Variants in DCLK1 observed in about 807,000 individuals in gnomAD.
The protein encoded by DCLK1 is doublecortin like kinase 1.
Under a neutral mutation model 86.2 loss-of-function variants are expected in DCLK1, and 16 were observed. The observed-to-expected ratio is 0.19, with a 90% CI of 0.13 to 0.28. The LOEUF is 0.28. Among genes scored for constraint, DCLK1 ranks in the 10% least tolerant of loss-of-function variants. The probability of loss-of-function intolerance (pLI) is 1.00; values close to 1 mark genes in which losing one functional copy is unlikely to be tolerated. For missense variants in DCLK1, 590 were observed against 940.2 expected (o/e 0.63, Z 4.87); for synonymous variants, 369 against 370.5 (o/e 1.00, Z 0.05).
In DCLK1 at chr13:35,774,499, A is replaced by T. The variant is rs1237481167; in HGVS notation, c.*36T>A. 8 of 1,547,472 alleles carry T rather than the reference A, an allele frequency of 5.2e-6. No homozygotes were observed. In the South Asian group the frequency reaches 8.3e-5, roughly 16 times the overall value. ...GGGGGAAAAAAATCTCAGAGTCTCA[A>T]AGGGTTAAGCTAGGACTTTGAGTAA... is the stretch of plus-strand genomic sequence containing the variant. On this transcript the variant is annotated 3_prime_UTR_variant, in exon 17 of 17. Coordinates refer to ENST00000360631, the MANE Select transcript of DCLK1 (RefSeq NM_001330071.2).
chr13:35,981,076 A>C (rs1879613476), intron 3 of DCLK1, among the ~76,000 whole-genome samples: 1 of 152,168 alleles, frequency 6.6e-6, no homozygotes, highest in East Asian at 1.9e-4. Flanking sequence ...GACAAAGTAG[A>C]TTTCAGAGAA....
intron 3 of DCLK1, among the ~76,000 whole-genome samples, chr13:35,976,209 A>G (rs1433209639): frequency 6.6e-6 from 1 of 152,166 alleles, no homozygotes; most frequent in African/African-American, 2.4e-5. Context: ...AAAGGAGGTC[A>G]GTCCTGACCA....
At chr13:36,072,716 A>G (rs1220909024) in intron 3 of DCLK1, among the ~76,000 whole-genome samples, 1 of 152,186 alleles carries the variant, frequency 6.6e-6, no homozygotes, top group African/African-American at 2.4e-5. Flanking sequence ...CCAGATGCCA[A>G]TGAGTCTCAA....
intron 4 of DCLK1, among the ~76,000 whole-genome samples, chr13:35,944,524 T>C (rs1303129726): frequency 6.6e-6 from 1 of 152,158 alleles, no homozygotes; most frequent in Non-Finnish European, 1.5e-5. Flanking sequence ...CGCTAGAACA[T>C]GCTGTACAAG....
chr13:35,824,177 T>C (rs1221828565), intron 10 of DCLK1, among the ~76,000 whole-genome samples: 3 of 152,100 alleles, frequency 2.0e-5, no homozygotes, highest in Non-Finnish European at 4.4e-5. Flanking sequence ...TGGCATCTTG[T>C]AATGTCCTTT....
In DCLK1 at chr13:35,831,348, C is replaced by T. The variant is rs114319522; in HGVS notation, c.1230-3041G>A. 3.3e-3 allele frequency among the ~76,000 whole-genome samples: 502 copies of T among 152,260 alleles called. 5 individuals are homozygous for T. The highest frequency in any genetic ancestry group is 0.014 in the Middle Eastern group (4 of 294). ...GAATCACAGGTTTATAGGAAAGTAG[C>T]TAGTCTAGAAAGTGTGCCTGAAAAC... On this transcript the variant is annotated intron_variant, in intron 8 of 16. Transcript: ENST00000360631.
intron 3 of DCLK1, among the ~76,000 whole-genome samples, chr13:36,098,088 G>A (rs1328113904): frequency 2.0e-5 from 3 of 152,044 alleles, no homozygotes; most frequent in Non-Finnish European, 4.4e-5. Flanking sequence ...CCTGGCATAC[G>A]GTAAACATTC....
chr13:36,070,407 G>A (rs1403131457), intron 3 of DCLK1, among the ~76,000 whole-genome samples: 2 of 152,118 alleles, frequency 1.3e-5, no homozygotes, highest in East Asian at 1.9e-4. Flanking sequence ...TCTGTAAAGG[G>A]TGACCAAGAG....
chr13:35,847,281 C>T, intron 6 of DCLK1: 1 of 985,218 alleles, frequency 1.0e-6, no homozygotes. Context: ...TTAATTTAAA[C>T]ATGCCCCAAC....
chr13:36,005,684 G>A (rs140432577), intron 3 of DCLK1, among the ~76,000 whole-genome samples: 30 of 152,290 alleles, frequency 2.0e-4, no homozygotes, highest in South Asian at 4.1e-4. Context: ...GCAGCATGGC[G>A]GCAAGCTTGT....
At chr13:36,008,265 C>T (rs1881097783) in intron 3 of DCLK1, among the ~76,000 whole-genome samples, 1 of 115,812 alleles carries the variant, frequency 8.6e-6, no homozygotes, top group African/African-American at 3.5e-5. Context: ...GGTACATGTG[C>T]ACATTGTGCA....
At chr13:36,041,654 G>T (rs116649846) in intron 3 of DCLK1, among the ~76,000 whole-genome samples, 3 of 152,234 alleles carry the variant, frequency 2.0e-5, no homozygotes, top group South Asian at 2.1e-4. Flanking sequence ...ATTTAAAATA[G>T]AATTATATTT....
intron 3 of DCLK1, among the ~76,000 whole-genome samples, chr13:36,079,145 C>T (rs1884325886): frequency 6.6e-6 from 1 of 152,170 alleles, no homozygotes; most frequent in Non-Finnish European, 1.5e-5. Flanking sequence ...TAGAATGTTA[C>T]TCTGCAAGGT....
Position 35,973,575 on chromosome 13 carries a change from T to A in DCLK1, c.724-26118A>T, listed in dbSNP as rs553704844. Among the ~76,000 whole-genome samples, 6 of 152,330 alleles carry A rather than the reference T, an allele frequency of 3.9e-5. No homozygotes were observed. The East Asian group carries it at 1.2e-3, about 29-fold the overall frequency. On this transcript the variant is annotated intron_variant, in intron 3 of 16. Coordinates refer to ENST00000360631, the MANE Select transcript of DCLK1 (RefSeq NM_001330071.2). ...GGGACTATGAATACACATCTTTAGA[T>A]TCCAAATGCCTAGCCCAGTGCTGGC...
chr13:36,102,282 T>C (rs767135666), intron 3 of DCLK1, among the ~76,000 whole-genome samples: 1 of 151,862 alleles, frequency 6.6e-6, no homozygotes, highest in Non-Finnish European at 1.5e-5. Context: ...TTTATGTTAC[T>C]ATCTGCCAAG....
chr13:36,110,379 C>G (rs1885568540), intron 3 of DCLK1, among the ~76,000 whole-genome samples: 1 of 152,110 alleles, frequency 6.6e-6, no homozygotes, highest in Non-Finnish European at 1.5e-5. Context: ...CCATTAGAAT[C>G]CTTATCCGCA....
intron 3 of DCLK1, among the ~76,000 whole-genome samples, chr13:35,974,260 A>T (rs1308696987): frequency 6.6e-6 from 1 of 152,132 alleles, no homozygotes; most frequent in Non-Finnish European, 1.5e-5. Flanking sequence ...TGAAGAGAGG[A>T]CCTTGACACA....
intron 3 of DCLK1, among the ~76,000 whole-genome samples, chr13:36,029,230 C>T (rs946386792): frequency 2.4e-4 from 37 of 152,304 alleles, no homozygotes; most frequent in Admixed American, 7.2e-4. Flanking sequence ...GGAATCACTT[C>T]CCTGACCTCC....
chr13:36,123,643 C>G (rs1886066910), intron 2 of DCLK1, among the ~76,000 whole-genome samples: 1 of 152,196 alleles, frequency 6.6e-6, no homozygotes, highest in Non-Finnish European at 1.5e-5. Flanking sequence ...TGAGTTTGAG[C>G]AGATCATTTA....
Sources: gnomAD v4.1 joint callset for allele counts (sites outside exome capture counted in the v4.1 genomes callset) on GRCh38, gnomAD v4.1.1 for gene constraint, MANE v1.5 for transcripts, NCBI Gene and HGNC (gene_info 2026-07-23, HGNC 2026-07-21) for gene names.